The following WWOX variants were observed in gnomAD, a reference collection of about 807,000 sequenced individuals.
The protein encoded by WWOX is WW domain containing oxidoreductase.
A neutral mutation model predicts 46.2 loss-of-function variants in WWOX; 69 were observed. The ratio of observed to expected loss-of-function variants is 1.49; its 90% CI spans 1.23 to 1.82. The LOEUF (loss-of-function observed/expected upper bound fraction) is 1.82, where lower values mean the gene tolerates loss of function less well. WWOX is among the 40% of genes most tolerant of loss of function. WWOX has a pLI of 0.00. For synonymous variants in WWOX, 359 were observed against 202.6 expected (o/e 1.77, Z -6.56); for missense variants, 919 against 542.6 (o/e 1.69, Z -6.89).
intron 8 of WWOX, among the ~76,000 whole-genome samples, chr16:78,594,579 A>T (rs2151607655): frequency 6.6e-6 from 1 of 151,930 alleles, no homozygotes. Flanking sequence ...CAGGTGGCAT[A>T]AGCCATGGCA....
chr16:79,089,281 G>C (rs140833027), intron 8 of WWOX, among the ~76,000 whole-genome samples: 1 of 151,494 alleles, frequency 6.6e-6, no homozygotes, highest in Admixed American at 6.6e-5. Context: ...TAAAGTTCCT[G>C]GCAAAGGTTT....
chr16:78,628,380 G>A (rs1375115298), intron 8 of WWOX, among the ~76,000 whole-genome samples: 1 of 152,122 alleles, frequency 6.6e-6, no homozygotes, highest in Non-Finnish European at 1.5e-5. Flanking sequence ...CAAGCCCCGT[G>A]TGGCCATTCT....
chr16:79,046,485 GT>G (rs1337870821), intron 8 of WWOX, among the ~76,000 whole-genome samples: 2 of 152,172 alleles, frequency 1.3e-5, no homozygotes, highest in African/African-American at 4.8e-5. Flanking sequence ...GCAGTGGAAG[GT>G]TCACTGTCTG....
chr16:78,263,740 C>T (rs1468858844), intron 5 of WWOX, among the ~76,000 whole-genome samples: 1 of 152,176 alleles, frequency 6.6e-6, no homozygotes, highest in Non-Finnish European at 1.5e-5. Context: ...TGAGCCAGAA[C>T]TTCCCAGAGA....
At chr16:78,417,908 G>A (rs2082835692) in intron 6 of WWOX, among the ~76,000 whole-genome samples, 1 of 152,188 alleles carries the variant, frequency 6.6e-6, no homozygotes, top group Non-Finnish European at 1.5e-5. Flanking sequence ...GGTAGGGGAT[G>A]GGTGGGAAAA....
chr16:78,255,947 T>G lies in WWOX; in HGVS notation c.516+91658T>G, dbSNP rs548513382. Among the ~76,000 whole-genome samples, 36 of 151,912 alleles carry G rather than the reference T, an allele frequency of 2.4e-4. 1 individual carries two copies. Among genetic ancestry groups the G allele is most frequent in the Non-Finnish European group, 4.6e-4 (31 of 67,990 alleles). Reference sequence around the variant, plus strand: ...TAGGTGGATCACAAGGTAAGGGGTTTGAGACCAGCCTGGCCAACATGGTGA... The same window carrying G: ...TAGGTGGATCACAAGGTAAGGGGTTGGAGACCAGCCTGGCCAACATGGTGA... On this transcript the variant is annotated intron_variant, in intron 5 of 8. Transcript: ENST00000566780.
At chr16:79,183,643 T>C (rs976618129) in intron 8 of WWOX, among the ~76,000 whole-genome samples, 5 of 152,208 alleles carry the variant, frequency 3.3e-5, no homozygotes, top group African/African-American at 1.2e-4. Flanking sequence ...ATAATTATTA[T>C]AACAAATGTA....
intron 8 of WWOX, among the ~76,000 whole-genome samples, chr16:79,006,991 G>A (rs533084846): frequency 6.6e-5 from 10 of 152,204 alleles, no homozygotes; most frequent in South Asian, 6.2e-4. Context: ...CCTTTGTCGC[G>A]TAACCTAACA....
intron 8 of WWOX, among the ~76,000 whole-genome samples, chr16:78,562,362 A>G (rs556712691): frequency 6.6e-6 from 1 of 152,182 alleles, no homozygotes; most frequent in African/African-American, 2.4e-5. Flanking sequence ...GTGTGTTACT[A>G]TACGATCTAG....
chr16:78,306,959 C>G (rs187460135), intron 5 of WWOX, among the ~76,000 whole-genome samples: 2,496 of 152,292 alleles, frequency 0.016, 67 homozygotes, highest in African/African-American at 0.056. Flanking sequence ...TTATCTGTTT[C>G]ATAACCCATT....
chr16:79,052,009 C>G (rs955775677), intron 8 of WWOX, among the ~76,000 whole-genome samples: 2 of 150,638 alleles, frequency 1.3e-5, no homozygotes, highest in African/African-American at 2.4e-5. Flanking sequence ...TCTCCTCTGC[C>G]TTTGCCTCTT....
chr16:78,592,341 C>G (rs746090350), intron 8 of WWOX, among the ~76,000 whole-genome samples: 1 of 152,200 alleles, frequency 6.6e-6, no homozygotes, highest in African/African-American at 2.4e-5. Context: ...AACAAATAAA[C>G]ATTCAAGCAG....
intron 8 of WWOX, among the ~76,000 whole-genome samples, chr16:79,093,194 C>G (rs2048999947): frequency 6.6e-6 from 1 of 152,056 alleles, no homozygotes; most frequent in South Asian, 2.1e-4. Flanking sequence ...TTACATCTAT[C>G]AGAAAAACAA....
chr16:78,175,175 T>C (rs905511112), intron 5 of WWOX, among the ~76,000 whole-genome samples: 6 of 152,006 alleles, frequency 3.9e-5, no homozygotes, highest in Non-Finnish European at 5.9e-5. Context: ...CCACAGGTTC[T>C]GGAGTTAATG....
intron 8 of WWOX, among the ~76,000 whole-genome samples, chr16:78,533,590 A>C: frequency 6.6e-6 from 1 of 152,146 alleles, no homozygotes; most frequent in Non-Finnish European, 1.5e-5. Context: ...CTAGTGGGAG[A>C]GATCACAAGG....
chr16:78,554,579 A>C (rs910941174), intron 8 of WWOX, among the ~76,000 whole-genome samples: 1 of 152,200 alleles, frequency 6.6e-6, no homozygotes, highest in East Asian at 1.9e-4. Flanking sequence ...ATATCCATGC[A>C]TATACGTGGG....
intron 8 of WWOX, among the ~76,000 whole-genome samples, chr16:78,607,839 T>C (rs1478013474): frequency 6.6e-6 from 1 of 152,098 alleles, no homozygotes; most frequent in Non-Finnish European, 1.5e-5. Flanking sequence ...CTGGATTTTC[T>C]ATCGGGTACA....
intron 8 of WWOX, among the ~76,000 whole-genome samples, chr16:78,495,449 A>C (rs2084893128): frequency 9.8e-6 from 1 of 102,466 alleles, no homozygotes; most frequent in Non-Finnish European, 2.3e-5. Flanking sequence ...CCAGTAGTAG[A>C]CTTTTGATAG....
Position 79,003,663 on chromosome 16 carries a change from G to A in WWOX, c.1057-207945G>A, listed in dbSNP as rs183427961. ...CTTTGTCAGGTTAGCAGGGCAGGGA[G>A]GGCTCAGCTGGTCTCAGCTCGTGGC... On this transcript the variant is annotated intron_variant, in intron 8 of 8. Coordinates refer to ENST00000566780, the MANE Select transcript of WWOX (RefSeq NM_016373.4). Among the ~76,000 whole-genome samples the A allele has an allele frequency of 2.3e-3, 357 of 152,262 alleles. 1 individual carries two copies. The highest frequency in any genetic ancestry group is 8.1e-3 in the African/African-American group (335 of 41,556).
Sources: gnomAD v4.1 joint callset for allele counts (sites outside exome capture counted in the v4.1 genomes callset) on GRCh38, gnomAD v4.1.1 for gene constraint, MANE v1.5 for transcripts, NCBI Gene and HGNC (gene_info 2026-07-23, HGNC 2026-07-21) for gene names.